Variants in CWC15 observed in about 807,000 individuals in gnomAD.
CWC15 encodes the protein CWC15 spliceosome associated protein, also known as spliceosome-associated protein CWC15 homolog.
Under a neutral mutation model 28.4 loss-of-function variants are expected in CWC15, and 12 were observed. The ratio of observed to expected loss-of-function variants is 0.42; its 90% CI spans 0.27 to 0.69. The LOEUF is 0.69. Among genes scored for constraint, CWC15 ranks in the 30% least tolerant of loss-of-function variants. The pLI is 0.23. For synonymous variants in CWC15, 92 were observed against 88.4 expected (o/e 1.04, Z -0.23); for missense variants, 192 against 271.5 (o/e 0.71, Z 2.06).
At position 94,970,982 on chromosome 11, in the gene CWC15, T is replaced by C; in HGVS notation, c.328A>G (p.Thr110Ala). 6.2e-7 allele frequency: 1 copy of C among 1,611,306 alleles called. No homozygotes were observed. Among genetic ancestry groups the C allele is most frequent in the Non-Finnish European group, 8.5e-7 (1 of 1,177,424 alleles). The change falls in exon 4 of 7, where the codon ACA becomes GCA. Residue 110 changes from threonine (T) to alanine (A), a missense_variant. Coordinates refer to ENST00000279839, the MANE Select transcript of CWC15 (RefSeq NM_016403.4). The stretch of plus-strand genomic sequence containing the variant: ...AAGGAGGAAACAAAACATACATCTG[T>C]TAGAGGGTCATCTGCATCAAGGTTG... ...AANLDADDPL[T>A]DEEDEDFEEE...
At chr11:94,964,424 A>G (rs1555094914) in intron 6 of CWC15, among the ~76,000 whole-genome samples, 1 of 152,224 alleles carries the variant, frequency 6.6e-6, no homozygotes, top group Non-Finnish European at 1.5e-5. Flanking sequence ...GAAGCATAAC[A>G]AGCTGAGCAG....
intron 2 of CWC15, among the ~76,000 whole-genome samples, 159 bp downstream of exon 2, chr11:94,971,896 T>TA (rs782403374): frequency 2.0e-5 from 3 of 152,246 alleles, no homozygotes; most frequent in Non-Finnish European, 4.4e-5. Flanking sequence ...TTTCACATTT[T>TA]AAAATCACAG....
Position 94,966,363 on chromosome 11 carries a change from C to T in CWC15, c.492G>A (p.Leu164=). 1 of 1,558,690 alleles carries T rather than the reference C, an allele frequency of 6.4e-7. No individual in the cohort carries two copies. Among genetic ancestry groups the T allele is most frequent in the Non-Finnish European group, 8.7e-7 (1 of 1,150,044 alleles). Residue 164 remains leucine, a synonymous_variant, in exon 6 of 7, where the codon CTG becomes CTA. Coordinates refer to ENST00000279839, the MANE Select transcript of CWC15 (RefSeq NM_016403.4). ...TGAGATTAAGGAGAGGGTTTCCGCT[C>T]AGAATGTTTTCCATACGAATCCTCT... is the stretch of plus-strand genomic sequence containing the variant. ...EEERIRMENI[L]SGNPLLNLTG...
At position 94,967,369 on chromosome 11, in the gene CWC15, ACTGT is replaced by A. The variant is rs369499633; in HGVS notation, c.442-960_442-957del. Among the ~76,000 whole-genome samples the A allele has an allele frequency of 2.8e-3, 427 of 152,244 alleles. 4 individuals are homozygous for A. The highest frequency in any genetic ancestry group is 0.014 in the Middle Eastern group (4 of 294). On this transcript the variant is annotated intron_variant, in intron 5 of 6. Transcript: ENST00000279839. ...CCTCCCATCCTTTATCAGTTACAAC[ACTGT>A]CTTTCTTCACTTTTATTTTAGCATC... is the stretch of plus-strand genomic sequence containing the variant.
chr11:94,969,883 G>T, intron 5 of CWC15, 106 bp downstream of exon 5: 1 of 562,526 alleles, frequency 1.8e-6, no homozygotes. Context: ...ATTTAGACAC[G>T]GTAAAGGAGA....
chr11:94,966,221 A>C (rs1438273855), intron 6 of CWC15, 74 bp downstream of exon 6: 4 of 814,764 alleles, frequency 4.9e-6, no homozygotes, highest in Non-Finnish European at 7.6e-6. Flanking sequence ...ATACACATAC[A>C]CATATACACA....
Position 94,970,086 on chromosome 11 carries a change from T to C in CWC15, c.344A>G (p.Glu115Gly). 6.7e-7 allele frequency: 1 copy of C among 1,503,758 alleles called. No individual in the cohort carries two copies. The highest frequency in any genetic ancestry group is 2.0e-5 in the Admixed American group (1 of 50,204). 93.2% of individuals were successfully genotyped at this position (1,503,758 alleles called of 1,614,324 possible). A position where few individuals can be genotyped will look rare whatever the true frequency, so the allele number is the denominator to read the frequency against. Residue 115 changes from glutamate to glycine, a missense_variant, in exon 5 of 7, where the codon GAA (glutamate) becomes GGA (glycine). Glu to Gly is a moderately conservative substitution (Grantham distance 98). Transcript: ENST00000279839. ...ATCATCACTTTCTTCTTCAAAATCT[T>C]CATCTTCCTCCTAAAAGAACAGTGA... ...ADDPLTDEED[E>G]DFEEESDDDD...
intron 5 of CWC15, among the ~76,000 whole-genome samples, chr11:94,968,863 C>G (rs1240686734): frequency 6.6e-6 from 1 of 152,132 alleles, no homozygotes; most frequent in Non-Finnish European, 1.5e-5. Context: ...AAAAACAGAA[C>G]AATTCTTGCC....
At chr11:94,972,681 C>G (rs1354595468) in intron 1 of CWC15, among the ~76,000 whole-genome samples, 1 of 152,060 alleles carries the variant, frequency 6.6e-6, no homozygotes, top group Non-Finnish European at 1.5e-5. Flanking sequence ...GAAACAAAAG[C>G]TAAAAACAAA....
intron 4 of CWC15, 135 bp downstream of exon 4, chr11:94,970,842 T>A: frequency 1.4e-6 from 1 of 735,312 alleles, no homozygotes; most frequent in Non-Finnish European, 2.4e-6. Flanking sequence ...AGTTTAGCAC[T>A]GAGGTCAGGG....
In CWC15 at chr11:94,971,413, G is replaced by A. The variant is rs1565414677; in HGVS notation, c.206C>T (p.Ala69Val). 1.2e-6 allele frequency: 2 copies of A among 1,612,766 alleles called. No individual in the cohort carries two copies. Among genetic ancestry groups the A allele is most frequent in the Admixed American group, 3.3e-5 (2 of 59,916 alleles). The change falls in exon 3 of 7, where the codon GCT (alanine) becomes GTT (valine). Residue 69 changes from alanine (A) to valine (V), a missense_variant. By Grantham distance (64) the Ala-to-Val change is moderately conservative. This residue lies in a region of CWC15 where 188 missense variants were observed against 250.3 expected (regional missense o/e 0.75). Transcript: ENST00000279839. Reference protein sequence around the residue: ...FRRELEERERAAAREKNRDRP... With the variant: ...FRRELEERERVAAREKNRDRP... ...ATCCCTATTTTTCTCTCTTGCAGCA[G>A]CTCTCTCTCTTTCTTCCAACTCTCT...
At chr11:94,972,483 T>C (rs1362856547) in intron 1 of CWC15, among the ~76,000 whole-genome samples, 2 of 152,148 alleles carry the variant, frequency 1.3e-5, no homozygotes, top group East Asian at 3.9e-4. Context: ...TGGCTTAACT[T>C]TGTCATCTGT....
intron 5 of CWC15, 52 bp from the exon 6 acceptor site, chr11:94,966,465 A>AT (rs200300880): frequency 2.4e-5 from 28 of 1,153,602 alleles, no homozygotes; most frequent in Middle Eastern, 2.8e-4. Context: ...TCTGGGTTCA[A>AT]TTTTTTTTAT....
intron 5 of CWC15, 65 bp downstream of exon 5, chr11:94,969,924 C>CA: frequency 9.9e-7 from 1 of 1,008,582 alleles, no homozygotes; most frequent in Non-Finnish European, 1.4e-6. Context: ...TACTTATATT[C>CA]AAAAAAATTT....
chr11:94,971,437 C>T lies in CWC15; in HGVS notation c.182G>A (p.Arg61Lys), dbSNP rs1418271975. The change falls in exon 3 of 7, where the codon AGA (arginine) becomes AAA (lysine). Residue 61 changes from arginine (R) to lysine (K), a missense_variant. Transcript: ENST00000279839. The stretch of plus-strand genomic sequence containing the variant: ...AGCTCTCTCTCTTTCTTCCAACTCT[C>T]TCCTGAAGTCACGGTTACGAACCTC... The part of the protein sequence containing the change: ...PEEVRNRDFR[R>K]ELEERERAAA... 7 of 1,612,996 alleles carry T rather than the reference C, an allele frequency of 4.3e-6. No individual in the cohort carries two copies. The highest frequency in any genetic ancestry group is 3.3e-5 in the Admixed American group (2 of 59,938).
intron 6 of CWC15, among the ~76,000 whole-genome samples, chr11:94,964,383 T>G (rs1057286668): frequency 2.0e-5 from 3 of 152,150 alleles, no homozygotes; most frequent in African/African-American, 7.2e-5. Flanking sequence ...TGGAAAACAG[T>G]GCAGTAAAGT....
intron 5 of CWC15, among the ~76,000 whole-genome samples, chr11:94,967,036 TCTTA>T (rs1555095428): frequency 7.1e-6 from 1 of 140,176 alleles, no homozygotes; most frequent in African/African-American, 2.7e-5. Context: ...GTTTTTATTG[TCTTA>T]CTGAGTTTTT....
At chr11:94,965,056 G>A (rs182562911) in intron 6 of CWC15, among the ~76,000 whole-genome samples, 1 of 150,610 alleles carries the variant, frequency 6.6e-6, no homozygotes, top group Non-Finnish European at 1.5e-5. Flanking sequence ...AGGGGAAAGC[G>A]GTCAGCAGTA....
At chr11:94,969,950 T>C in intron 5 of CWC15, 39 bp downstream of exon 5, 1 of 1,354,174 alleles carries the variant, frequency 7.4e-7, no homozygotes, top group South Asian at 1.6e-5. Context: ...TTAGTGTATG[T>C]GAGAAGATAG....
Sources: allele counts gnomAD v4.1 joint callset (sites outside exome capture counted in the v4.1 genomes callset), GRCh38; gene constraint gnomAD v4.1.1; regional missense constraint gnomAD v4.1.1; transcripts MANE v1.5; gene names NCBI Gene and HGNC (gene_info 2026-07-23, HGNC 2026-07-21).